HHLA2: variants seen among roughly 807,000 people sequenced by gnomAD.
HHLA2 encodes HERV-H LTR-associating protein 2.
In HHLA2, 48 loss-of-function variants were observed where a neutral mutation model predicts 45.9. That is an observed-to-expected ratio of 1.05 (90% CI 0.83 to 1.33). The LOEUF is 1.33. Ranked by LOEUF, HHLA2 falls within the 40% of genes most tolerant of loss-of-function variation. HHLA2 has a pLI of 0.00. For missense variants in HHLA2, 462 were observed against 494.3 expected, an observed-to-expected ratio of 0.93 and a Z score of 0.62; for synonymous variants, 161 against 173.9, an observed-to-expected ratio of 0.93 and a Z score of 0.59.
In HHLA2 at chr3:108,346,685, GT is replaced by G. The variant is rs77904247; in HGVS notation, c.-26-5098del. ...AATATATTGACAGATAACATTATAT[GT>G]TTTTATCGTGTACAACATGATATTG... On this transcript the variant is annotated intron_variant, in intron 3 of 10. Transcript: ENST00000619531. Among the ~76,000 whole-genome samples the G allele has an allele frequency of 1.2e-4, 19 of 152,288 alleles. 1 individual carries two copies. In the East Asian group the frequency reaches 3.7e-3, roughly 29 times the overall value.
At chr3:108,335,975 C>G (rs1467074205) in intron 3 of HHLA2, among the ~76,000 whole-genome samples, 1 of 151,832 alleles carries the variant, frequency 6.6e-6, no homozygotes, top group African/African-American at 2.4e-5. Flanking sequence ...TGTATTATAT[C>G]TAGTTGCTCT....
chr3:108,357,575 T>G (rs1049117712), intron 6 of HHLA2, among the ~76,000 whole-genome samples: 1 of 152,134 alleles, frequency 6.6e-6, no homozygotes, highest in Admixed American at 6.6e-5. Context: ...TGTCAGGTTC[T>G]AAGAGTTAAA....
At chr3:108,322,501 C>T (rs564413716) in intron 2 of HHLA2, among the ~76,000 whole-genome samples, 186 of 152,290 alleles carry the variant, frequency 1.2e-3, no homozygotes, top group African/African-American at 4.4e-3. Flanking sequence ...CCTCCTCTTT[C>T]CTCTTCTGCC....
rs142382171 is a variant in HHLA2, at chr3:108,301,132, G to T, written c.-192+4533G>T. Among the ~76,000 whole-genome samples, 165 of 152,108 alleles carry T rather than the reference G, an allele frequency of 1.1e-3. 3 individuals are homozygous for T. In the East Asian group the frequency reaches 0.029, roughly 26 times the overall value. On this transcript the variant is annotated intron_variant, in intron 1 of 10. Transcript: ENST00000619531. Reference sequence around the variant, plus strand: ...AAAATTTGAGTGTGAGGAGACCTAGGCCCTCCAAACCAATGTTCCCTATTG... The same window carrying T: ...AAAATTTGAGTGTGAGGAGACCTAGTCCCTCCAAACCAATGTTCCCTATTG...
exon 4 of HHLA2, chr3:108,351,868 G>A: frequency 6.2e-7 from 1 of 1,607,732 alleles, no homozygotes. Context: ...ATCTCTGAGT[G>A]GATCTCAAGG....
At chr3:108,309,698 A>G (rs1035603367) in intron 1 of HHLA2, among the ~76,000 whole-genome samples, 1 of 152,130 alleles carries the variant, frequency 6.6e-6, no homozygotes, top group Non-Finnish European at 1.5e-5. Flanking sequence ...GTAGGGATAC[A>G]TAATAGCAAC....
At chr3:108,367,971 A>G (rs1425036899) in intron 8 of HHLA2, among the ~76,000 whole-genome samples, 2 of 152,224 alleles carry the variant, frequency 1.3e-5, no homozygotes, top group Non-Finnish European at 2.9e-5. Context: ...AGGTCAGGTT[A>G]CCTACAAAGG....
rs2081912755 is a variant in HHLA2, at chr3:108,357,425, A to C, written c.686-419A>C. On this transcript the variant is annotated intron_variant, in intron 6 of 10. Transcript: ENST00000619531. Reference sequence around the variant, plus strand: ...AAAGAGATTAAGAAGTAGTGAGGCCATAAAAGTTAGAGACCACTAGGGAGT... The same window carrying C: ...AAAGAGATTAAGAAGTAGTGAGGCCCTAAAAGTTAGAGACCACTAGGGAGT... 2.0e-5 allele frequency among the ~76,000 whole-genome samples: 3 copies of C among 152,230 alleles called. No homozygotes were observed. In the South Asian group the frequency reaches 6.2e-4, roughly 31 times the overall value.
At chr3:108,322,657 G>A (rs2081223533) in intron 2 of HHLA2, among the ~76,000 whole-genome samples, 2 of 152,072 alleles carry the variant, frequency 1.3e-5, no homozygotes, top group Admixed American at 6.5e-5. Flanking sequence ...TCTTGCTTTC[G>A]AAACGTTCTC....
chr3:108,315,529 T>C (rs2107324864), intron 2 of HHLA2, among the ~76,000 whole-genome samples: 1 of 152,342 alleles, frequency 6.6e-6, no homozygotes, highest in African/African-American at 2.4e-5. Flanking sequence ...TGAAGCTTGA[T>C]TGATGTTTGG....
intron 8 of HHLA2, among the ~76,000 whole-genome samples, chr3:108,369,777 C>T (rs1019838327): frequency 1.3e-5 from 2 of 152,190 alleles, no homozygotes; most frequent in Non-Finnish European, 2.9e-5. Context: ...GGGCACCCAC[C>T]ATTGCCGAGG....
chr3:108,351,955 T>C (rs540816648), intron 4 of HHLA2, 78 bp downstream of exon 3: 19 of 937,140 alleles, frequency 2.0e-5, no homozygotes, highest in Middle Eastern at 2.1e-4. Context: ...AAGGTGGCTA[T>C]TTCCTCCATA....
At chr3:108,355,364 G>A (rs2081870258) in exon 6 of HHLA2, 1 of 1,612,894 alleles carries the variant, frequency 6.2e-7, no homozygotes, top group Non-Finnish European at 8.5e-7. Flanking sequence ...ACATGGACAG[G>A]GCGCTGGACG....
chr3:108,316,545 AGT>A (rs1297979099), intron 2 of HHLA2, among the ~76,000 whole-genome samples: 12 of 152,164 alleles, frequency 7.9e-5, no homozygotes, highest in Admixed American at 5.2e-4. Context: ...GACCAAGAGA[AGT>A]GATGGGGTAG....
intron 2 of HHLA2, among the ~76,000 whole-genome samples, chr3:108,315,457 A>C (rs1256411176): frequency 6.6e-6 from 1 of 152,244 alleles, no homozygotes; most frequent in Non-Finnish European, 1.5e-5. Context: ...TAAGCCAATT[A>C]GGATATGTTG....
At chr3:108,375,369 C>T (rs1025752730) in intron 8 of HHLA2, among the ~76,000 whole-genome samples, 3 of 151,434 alleles carry the variant, frequency 2.0e-5, no homozygotes, top group African/African-American at 7.3e-5. Context: ...AGGAGATATA[C>T]CTAATGCTAA....
chr3:108,305,056 A>G (rs897873415), intron 1 of HHLA2, among the ~76,000 whole-genome samples: 3 of 151,948 alleles, frequency 2.0e-5, no homozygotes, highest in African/African-American at 4.8e-5. Context: ...TCACATTAAA[A>G]CCTTTTACTC....
chr3:108,372,745 C>G (rs888984456), intron 8 of HHLA2, among the ~76,000 whole-genome samples: 16 of 152,182 alleles, frequency 1.1e-4, no homozygotes, highest in Non-Finnish European at 2.2e-4. Flanking sequence ...GGATAAATTC[C>G]TTGACACATA....
intron 8 of HHLA2, among the ~76,000 whole-genome samples, chr3:108,363,443 C>T (rs1052453871): frequency 6.6e-6 from 1 of 152,160 alleles, no homozygotes; most frequent in Non-Finnish European, 1.5e-5. Context: ...TCTCTTTTAT[C>T]TGTCCTTCTG....
Sources: gnomAD v4.1 joint callset for allele counts (sites outside exome capture counted in the v4.1 genomes callset) on GRCh38, gnomAD v4.1.1 for gene constraint, MANE v1.5 for transcripts, NCBI Gene and HGNC (gene_info 2026-07-23, HGNC 2026-07-21) for gene names.